KCNIP3: variants seen among roughly 807,000 people sequenced by gnomAD.
KCNIP3 encodes potassium voltage-gated channel interacting protein 3, also known as calsenilin.
A neutral mutation model predicts 35.0 loss-of-function variants in KCNIP3; 28 were observed. The ratio of observed to expected loss-of-function variants is 0.80; its 90% confidence interval spans 0.59 to 1.10. KCNIP3 has a LOEUF of 1.10. Among genes scored for constraint, KCNIP3 ranks in the 50% least tolerant of loss-of-function variants. The pLI is 0.00. For synonymous variants in KCNIP3, 134 were observed against 133.8 expected (o/e 1.00, Z -0.01); for missense variants, 295 against 338.4 (o/e 0.87, Z 1.01).
intron 2 of KCNIP3, among the ~76,000 whole-genome samples, chr2:95,346,460 G>A (rs909977794): frequency 4.0e-5 from 6 of 150,420 alleles, no homozygotes; most frequent in African/African-American, 1.2e-4. Flanking sequence ...GGCGGGGCCG[G>A]CTCCCTCCGC....
intron 1 of KCNIP3, among the ~76,000 whole-genome samples, chr2:95,298,318 G>T (rs1573473456): frequency 6.6e-6 from 1 of 152,326 alleles, no homozygotes; most frequent in African/African-American, 2.4e-5. Context: ...GTCCAGAGGG[G>T]CAGTGGAGGG....
intron 2 of KCNIP3, among the ~76,000 whole-genome samples, chr2:95,337,913 TG>T (rs370064540): frequency 3.4e-3 from 519 of 152,300 alleles, no homozygotes; most frequent in African/African-American, 0.012. Context: ...TGATGAGGAC[TG>T]GGGCCAAGAA....
At chr2:95,342,720 C>T (rs1442349216) in intron 2 of KCNIP3, among the ~76,000 whole-genome samples, 7 of 152,206 alleles carry the variant, frequency 4.6e-5, no homozygotes, top group Admixed American at 4.6e-4. Flanking sequence ...TAATCGCCTG[C>T]TTTTCCCCGG....
intron 2 of KCNIP3, among the ~76,000 whole-genome samples, chr2:95,325,697 TCATA>T (rs751049883): frequency 9.9e-4 from 132 of 133,656 alleles, no homozygotes; most frequent in Non-Finnish European, 1.4e-3. Context: ...ACATACACAC[TCATA>T]CATACACACA....
chr2:95,329,146 T>C (rs1417668417), intron 2 of KCNIP3, among the ~76,000 whole-genome samples: 2 of 152,202 alleles, frequency 1.3e-5, no homozygotes, highest in African/African-American at 4.8e-5. Flanking sequence ...CTTCGAGGAT[T>C]AAATAGAACA....
chr2:95,325,401 G>C (rs1678711074), intron 2 of KCNIP3, among the ~76,000 whole-genome samples: 1 of 152,308 alleles, frequency 6.6e-6, no homozygotes, highest in South Asian at 2.1e-4. Context: ...GAACACAAGA[G>C]GACAGTCAGG....
intron 2 of KCNIP3, among the ~76,000 whole-genome samples, chr2:95,346,458 CG>C: frequency 6.6e-6 from 1 of 150,598 alleles, no homozygotes; most frequent in Non-Finnish European, 1.5e-5. Context: ...GGGGCGGGGC[CG>C]GCTCCCTCCG....
At chr2:95,357,450 G>T (rs1679682115) in intron 2 of KCNIP3, among the ~76,000 whole-genome samples, 1 of 152,184 alleles carries the variant, frequency 6.6e-6, no homozygotes. Flanking sequence ...TCAGCCAGAG[G>T]CACCAGTGGG....
chr2:95,347,608 A>C (rs1388658708), intron 2 of KCNIP3, among the ~76,000 whole-genome samples: 2 of 152,254 alleles, frequency 1.3e-5, no homozygotes, highest in Admixed American at 1.3e-4. Flanking sequence ...CCATGGGATC[A>C]GTAACCAAAC....
intron 2 of KCNIP3, among the ~76,000 whole-genome samples, chr2:95,366,940 A>G (rs1168428048): frequency 6.6e-6 from 1 of 152,186 alleles, no homozygotes; most frequent in African/African-American, 2.4e-5. Context: ...TTTGTCAGAT[A>G]TGCAGTTTGC....
chr2:95,374,222 C>G (rs1680113774), intron 2 of KCNIP3, 74 bp from the exon 3 acceptor site: 12 of 1,567,744 alleles, frequency 7.7e-6, no homozygotes, highest in Non-Finnish European at 1.0e-5. Flanking sequence ...TTGGCCCATG[C>G]CCTGGCCACA....
intron 2 of KCNIP3, among the ~76,000 whole-genome samples, chr2:95,349,568 G>T (rs1356753365): frequency 6.6e-6 from 1 of 152,190 alleles, no homozygotes; most frequent in African/African-American, 2.4e-5. Context: ...AGCAGTAATG[G>T]AGCAGGAAGC....
At chr2:95,347,219 C>G (rs1174062676) in intron 2 of KCNIP3, 8 of 1,105,782 alleles carry the variant, frequency 7.2e-6, no homozygotes, top group East Asian at 2.7e-5. Context: ...ACTGGTCTGG[C>G]GAGGAGCGGC....
intron 2 of KCNIP3, among the ~76,000 whole-genome samples, chr2:95,315,345 A>C (rs1335101289): frequency 2.6e-5 from 4 of 152,122 alleles, no homozygotes; most frequent in African/African-American, 4.8e-5. Context: ...GTTCTCAAGC[A>C]AATGCCAGAG....
chr2:95,326,336 TCA>T (rs777263594), intron 2 of KCNIP3, among the ~76,000 whole-genome samples: 39 of 151,514 alleles, frequency 2.6e-4, no homozygotes, highest in Non-Finnish European at 4.6e-4. Context: ...ACACATATAC[TCA>T]CATGTGCACA....
intron 2 of KCNIP3, among the ~76,000 whole-genome samples, chr2:95,340,159 G>A (rs1356125626): frequency 1.3e-5 from 2 of 152,144 alleles, no homozygotes; most frequent in African/African-American, 4.8e-5. Flanking sequence ...CCAACATGGC[G>A]AAACCCTGTC....
Position 95,319,558 on chromosome 2 carries a change from C to T in KCNIP3, c.181+9038C>T, listed in dbSNP as rs1678537023. Among the ~76,000 whole-genome samples, 3 of 152,158 alleles carry T rather than the reference C, an allele frequency of 2.0e-5. No homozygotes were observed. In the South Asian group the frequency reaches 6.2e-4, roughly 31 times the overall value. On this transcript the variant is annotated intron_variant, in intron 2 of 8. Coordinates refer to ENST00000295225, the MANE Select transcript of KCNIP3 (RefSeq NM_013434.5). ...TGGGCATGACCCTCCAAGCTGGGTGCTCCTCCTTGCTCCTCCTGGCTAGTG... is the reference window on the plus strand; with the variant it reads ...TGGGCATGACCCTCCAAGCTGGGTGTTCCTCCTTGCTCCTCCTGGCTAGTG...
intron 2 of KCNIP3, among the ~76,000 whole-genome samples, chr2:95,352,946 A>G (rs1457655476): frequency 6.6e-6 from 1 of 152,246 alleles, no homozygotes; most frequent in Non-Finnish European, 1.5e-5. Flanking sequence ...GAGGGTGTGC[A>G]GCTGTCAGGT....
intron 6 of KCNIP3, 46 bp downstream of exon 6, chr2:95,381,749 C>T: frequency 8.0e-7 from 1 of 1,257,320 alleles, no homozygotes; most frequent in Non-Finnish European, 1.2e-6. Context: ...TCCCCTCCTG[C>T]TGCTCCACCC....
Sources: allele counts gnomAD v4.1 joint callset (sites outside exome capture counted in the v4.1 genomes callset), GRCh38; gene constraint gnomAD v4.1.1; transcripts MANE v1.5; gene names NCBI Gene and HGNC (gene_info 2026-07-23, HGNC 2026-07-21).